The following PAPSS1 variants were observed in gnomAD, a reference collection of about 807,000 sequenced individuals.
PAPSS1 encodes 3'-phosphoadenosine 5'-phosphosulfate synthase 1.
Under a neutral mutation model 72.0 loss-of-function variants are expected in PAPSS1, and 50 were observed. That is an observed-to-expected ratio of 0.69 (90% CI 0.55 to 0.88). The LOEUF (loss-of-function observed/expected upper bound fraction) is 0.88. Ranked by LOEUF, PAPSS1 falls within the 40% of genes least tolerant of loss-of-function variation. The pLI is 0.00. For synonymous variants in PAPSS1, 261 were observed against 263.6 expected (o/e 0.99, Z 0.09); for missense variants, 657 against 782.2 (o/e 0.84, Z 1.91).
intron 5 of PAPSS1, among the ~76,000 whole-genome samples, chr4:107,660,880 G>A (rs556276083): frequency 5.9e-5 from 9 of 152,256 alleles, no homozygotes; most frequent in Non-Finnish European, 8.8e-5. Flanking sequence ...CCAATACTTT[G>A]TTATTCAAAA....
intron 10 of PAPSS1, among the ~76,000 whole-genome samples, chr4:107,633,918 CAAA>C (rs765586369): frequency 1.1e-5 from 1 of 90,224 alleles, no homozygotes. Context: ...GACTCCGTCT[CAAA>C]AAAAAAAAAA....
chr4:107,691,878 A>T (rs1383233732), intron 3 of PAPSS1, among the ~76,000 whole-genome samples: 1 of 152,172 alleles, frequency 6.6e-6, no homozygotes, highest in African/African-American at 2.4e-5. Context: ...TTGGGTTTTT[A>T]AAAATAACAT....
intron 10 of PAPSS1, among the ~76,000 whole-genome samples, chr4:107,633,915 T>G (rs1164847197): frequency 5.7e-5 from 6 of 104,410 alleles, no homozygotes; most frequent in African/African-American, 2.1e-4. Context: ...CGAGACTCCG[T>G]CTCAAAAAAA....
At chr4:107,684,718 G>T (rs573815657) in intron 4 of PAPSS1, among the ~76,000 whole-genome samples, 1 of 151,988 alleles carries the variant, frequency 6.6e-6, no homozygotes, top group Non-Finnish European at 1.5e-5. Flanking sequence ...GAAGCTCCCC[G>T]CACCACCTGG....
At chr4:107,698,200 G>A (rs1018029501) in intron 2 of PAPSS1, among the ~76,000 whole-genome samples, 1 of 152,052 alleles carries the variant, frequency 6.6e-6, no homozygotes. Flanking sequence ...AACACGTCTA[G>A]CAAAACAGCA....
At chr4:107,625,324 T>G (rs1726062284) in intron 11 of PAPSS1, among the ~76,000 whole-genome samples, 5 of 152,208 alleles carry the variant, frequency 3.3e-5, no homozygotes, top group Admixed American at 3.3e-4. Context: ...AGCAAAATTA[T>G]CTGCGTGGCC....
intron 5 of PAPSS1, among the ~76,000 whole-genome samples, chr4:107,670,538 T>C (rs1368130679): frequency 6.6e-6 from 1 of 152,164 alleles, no homozygotes; most frequent in African/African-American, 2.4e-5. Flanking sequence ...ATGCATTTTA[T>C]TTTATTTATT....
At chr4:107,670,477 A>G (rs1196255546) in intron 5 of PAPSS1, among the ~76,000 whole-genome samples, 2 of 152,200 alleles carry the variant, frequency 1.3e-5, no homozygotes, top group Non-Finnish European at 2.9e-5. Flanking sequence ...GAACCAAACT[A>G]TGAAGAACTG....
chr4:107,674,815 G>T (rs1189625505), intron 5 of PAPSS1, among the ~76,000 whole-genome samples: 2 of 152,042 alleles, frequency 1.3e-5, no homozygotes, highest in African/African-American at 4.8e-5. Context: ...TAAAAGAAAA[G>T]AAATTATAAC....
At chr4:107,627,566 C>T (rs754657665) in intron 11 of PAPSS1, among the ~76,000 whole-genome samples, 6 of 152,010 alleles carry the variant, frequency 3.9e-5, no homozygotes, top group South Asian at 2.1e-4. Context: ...AGGGCCTCTC[C>T]CCAGACTAAG....
chr4:107,687,995 A>C (rs1722832091), intron 3 of PAPSS1, among the ~76,000 whole-genome samples: 1 of 151,622 alleles, frequency 6.6e-6, no homozygotes, highest in Admixed American at 6.6e-5. Context: ...AAAAAAACAA[A>C]TCTCCAAGAA....
At chr4:107,714,987 CAG>C (rs1723598414) in intron 1 of PAPSS1, among the ~76,000 whole-genome samples, 1 of 151,666 alleles carries the variant, frequency 6.6e-6, no homozygotes, top group Non-Finnish European at 1.5e-5. Context: ...TTCTTGGGAA[CAG>C]AGTAAAAATA....
At chr4:107,680,915 G>A (rs77037741) in intron 5 of PAPSS1, among the ~76,000 whole-genome samples, 5,114 of 152,168 alleles carry the variant, frequency 0.034, 274 homozygotes, top group African/African-American at 0.12. Context: ...CATCAGAGCA[G>A]TATCGATTTA....
chr4:107,642,263 T>C (rs1726567321), intron 10 of PAPSS1, among the ~76,000 whole-genome samples: 1 of 152,152 alleles, frequency 6.6e-6, no homozygotes, highest in Admixed American at 6.5e-5. Context: ...TTTAAAAATA[T>C]TTTAACGTTA....
chr4:107,636,440 T>C (rs1403957201), intron 10 of PAPSS1, among the ~76,000 whole-genome samples: 1 of 152,198 alleles, frequency 6.6e-6, no homozygotes, highest in African/African-American at 2.4e-5. Context: ...CATCATGCCC[T>C]AGAGAATCTG....
chr4:107,675,609 G>A (rs1390014730), intron 5 of PAPSS1, among the ~76,000 whole-genome samples: 11 of 152,140 alleles, frequency 7.2e-5, no homozygotes, highest in Non-Finnish European at 1.3e-4. Context: ...AGAGGTACAA[G>A]GAGGAGCTGG....
intron 11 of PAPSS1, among the ~76,000 whole-genome samples, chr4:107,618,330 A>T (rs890719513): frequency 5.3e-5 from 8 of 152,108 alleles, no homozygotes; most frequent in Admixed American, 3.9e-4. Context: ...AGAAAGAGAT[A>T]GAGCAGTGAA....
Position 107,654,792 on chromosome 4 carries a change from A to G in PAPSS1, c.1004T>C (p.Val335Ala). 6.2e-7 allele frequency: 1 copy of G among 1,614,052 alleles called. No individual in the cohort carries two copies. The highest frequency in any genetic ancestry group is 1.1e-5 in the South Asian group (1 of 91,082). The part of the protein sequence containing the change: ...AFALMYEGRR[V>A]AILRNPEFFE... ...AAACTCTGGATTGCGAAGAATGGCC[A>G]CACGGCGGCCCTCATACATCAGAGC... Residue 335 changes from valine to alanine, a missense_variant, in exon 8 of 12, where the codon GTG becomes GCG. This residue lies in a region of PAPSS1 where 190 missense variants were observed against 176.7 expected (regional missense o/e 1.07). Transcript: ENST00000265174.
intron 5 of PAPSS1, among the ~76,000 whole-genome samples, chr4:107,669,389 T>C (rs563860553): frequency 6.6e-6 from 1 of 152,188 alleles, no homozygotes; most frequent in Admixed American, 6.5e-5. Flanking sequence ...TCTTCCTCAA[T>C]TGCATTTTTA....
Sources: allele counts gnomAD v4.1 joint callset (sites outside exome capture counted in the v4.1 genomes callset), GRCh38; gene constraint gnomAD v4.1.1; regional missense constraint gnomAD v4.1.1; transcripts MANE v1.5; gene names NCBI Gene and HGNC (gene_info 2026-07-23, HGNC 2026-07-21).